Variants in FBXW2 observed in about 807,000 individuals in gnomAD.
FBXW2 encodes F-box and WD repeat domain containing 2.
FBXW2 carries 12 observed loss-of-function variants against 46.0 expected under a neutral mutation model. The observed-to-expected ratio is 0.26, with a 90% CI of 0.17 to 0.42. The LOEUF is 0.42. FBXW2 is among the 10% of genes least tolerant of loss of function. The pLI, the probability that FBXW2 is intolerant of heterozygous loss-of-function variation, is 1.00. For missense variants in FBXW2, 360 were observed against 537.0 expected, an observed-to-expected ratio of 0.67 and a Z score of 3.26; for synonymous variants, 203 against 209.6, an observed-to-expected ratio of 0.97 and a Z score of 0.27.
At chr9:120,781,756 C>T (rs1158598859) in intron 3 of FBXW2, among the ~76,000 whole-genome samples, 1 of 152,012 alleles carries the variant, frequency 6.6e-6, no homozygotes, top group Non-Finnish European at 1.5e-5. Flanking sequence ...GGTGTGGTGG[C>T]TCACACCTGT....
chr9:120,768,844 A>C (rs1295052662), intron 7 of FBXW2, among the ~76,000 whole-genome samples: 2 of 150,870 alleles, frequency 1.3e-5, no homozygotes, highest in Non-Finnish European at 3.0e-5. Flanking sequence ...AATAAAAACG[A>C]AAAAAAAAGA....
chr9:120,772,181 G>A (rs948676802), intron 6 of FBXW2, among the ~76,000 whole-genome samples: 1 of 151,698 alleles, frequency 6.6e-6, no homozygotes, highest in African/African-American at 2.4e-5. Flanking sequence ...AATTAAGGAC[G>A]GTAGGAGATA....
At chr9:120,792,944 C>G in intron 2 of FBXW2, 2 of 1,533,152 alleles carry the variant, frequency 1.3e-6, no homozygotes, top group Non-Finnish European at 1.7e-6. Context: ...ACTTCATAAA[C>G]CACCTCATCA....
chr9:120,765,744 C>T, intron 7 of FBXW2, among the ~76,000 whole-genome samples: 1 of 151,908 alleles, frequency 6.6e-6, no homozygotes, highest in Middle Eastern at 3.2e-3. Flanking sequence ...TTAAAGTTTC[C>T]CAAATAACTT....
chr9:120,785,918 G>A (rs752164060), intron 3 of FBXW2, among the ~76,000 whole-genome samples: 4 of 150,578 alleles, frequency 2.7e-5, no homozygotes, highest in African/African-American at 4.9e-5. Context: ...AGCTACTCGG[G>A]AGGCTGAGGC....
chr9:120,764,268 T>C lies in FBXW2; in HGVS notation c.*291A>G, dbSNP rs1047271361. 7.2e-6 allele frequency: 3 copies of C among 417,330 alleles called. No homozygotes were observed. The highest frequency in any genetic ancestry group is 1.3e-5 in the Non-Finnish European group (3 of 236,512). The allele number at this position is 417,330 out of a possible 1,614,324, so 25.9% of individuals were successfully genotyped here. A position where few individuals can be genotyped will look rare whatever the true frequency, so the allele number is the denominator to read the frequency against. ...AACTTTCTTTACTTAAAACCAATAC[T>C]CCACTCAAGAAAGATGAACCCAAAA... On this transcript the variant is annotated 3_prime_UTR_variant, in exon 8 of 8. Transcript: ENST00000608872.
chr9:120,773,185 G>A (rs1329485746), intron 5 of FBXW2, among the ~76,000 whole-genome samples: 1 of 142,764 alleles, frequency 7.0e-6, no homozygotes, highest in Non-Finnish European at 1.5e-5. Flanking sequence ...AGACCACAAC[G>A]CTTAAAAAAA....
At chr9:120,765,399 GAAAGTTTATAAAAGTACA>G (rs1307968793) in intron 7 of FBXW2, among the ~76,000 whole-genome samples, 7 of 152,238 alleles carry the variant, frequency 4.6e-5, no homozygotes, top group African/African-American at 1.4e-4. Flanking sequence ...CCGGCCTGAT[GAAAGTTTATAAAAGTACA>G]AAACATCTAT....
chr9:120,780,751 AGG>A (rs2044593922), intron 3 of FBXW2, among the ~76,000 whole-genome samples: 1 of 152,208 alleles, frequency 6.6e-6, no homozygotes. Flanking sequence ...CTTCTGTGTC[AGG>A]CAGGATTCTT....
Position 120,758,697 on chromosome 9 carries a change from C to A in FBXW2, c.*5862G>T, listed in dbSNP as rs541376206. The A allele has an allele frequency of 5.6e-4, 86 of 152,340 alleles. No homozygotes were observed. The highest frequency in any genetic ancestry group is 2.0e-3 in the African/African-American group (85 of 41,580). The allele number at this position is 152,340 out of a possible 1,614,324, so 9.4% of individuals were successfully genotyped here. A position where few individuals can be genotyped will look rare whatever the true frequency, so the allele number is the denominator to read the frequency against. ...GGCAATGAATCACTTTACCAAGCCA[C>A]AGCTTTCTCATCTGTAAAACAGGAA... On this transcript the variant is annotated 3_prime_UTR_variant, in exon 8 of 8. Coordinates refer to ENST00000608872, the MANE Select transcript of FBXW2 (RefSeq NM_012164.4).
chr9:120,762,334 C>G lies in FBXW2; in HGVS notation c.*2225G>C, dbSNP rs2044208435. ...CAGCCTGCGCAGTAAGAGCGAAACTCTGTCTCAAAAAAAAAAAAATAATAA... is the reference window on the plus strand; with the variant it reads ...CAGCCTGCGCAGTAAGAGCGAAACTGTGTCTCAAAAAAAAAAAAATAATAA... On this transcript the variant is annotated 3_prime_UTR_variant, in exon 8 of 8. Coordinates refer to ENST00000608872, the MANE Select transcript of FBXW2 (RefSeq NM_012164.4). 1 of 145,538 alleles carries G rather than the reference C, an allele frequency of 6.9e-6. No individual in the cohort carries two copies. The allele number at this position is 145,538 out of a possible 1,614,324, so 9.0% of individuals were successfully genotyped here.
At chr9:120,789,512 G>T (rs1019999851) in intron 2 of FBXW2, among the ~76,000 whole-genome samples, 1 of 151,978 alleles carries the variant, frequency 6.6e-6, no homozygotes, top group Non-Finnish European at 1.5e-5. Context: ...GTTAATGCTG[G>T]GTGATGTGTA....
intron 3 of FBXW2, among the ~76,000 whole-genome samples, chr9:120,787,104 C>A (rs1263195891): frequency 3.3e-5 from 5 of 152,236 alleles, no homozygotes; most frequent in Non-Finnish European, 4.4e-5. Flanking sequence ...TCTCAGCTCA[C>A]TGGAACCTCC....
rs2044187373 is a variant in FBXW2 at position 120,760,879 on chromosome 9, T to G, written c.*3680A>C. On this transcript the variant is annotated 3_prime_UTR_variant, in exon 8 of 8. Transcript: ENST00000608872. The stretch of plus-strand genomic sequence containing the variant: ...CTTTTGTTTTACAAATAGAGAGCAG[T>G]AATCATTTTCCTATGAATACTAGAA... 1 of 152,224 alleles carries G rather than the reference T, an allele frequency of 6.6e-6. No homozygotes were observed. The highest frequency in any genetic ancestry group is 2.1e-4 in the South Asian group (1 of 4,836). 9.4% of individuals were successfully genotyped at this position (152,224 alleles called of 1,614,324 possible).
chr9:120,773,203 A>C (rs1427901518), intron 5 of FBXW2, among the ~76,000 whole-genome samples: 2 of 151,140 alleles, frequency 1.3e-5, no homozygotes, highest in Non-Finnish European at 3.0e-5. Context: ...AAAAAAAAAA[A>C]CAGTCTAAAC....
intron 2 of FBXW2, among the ~76,000 whole-genome samples, chr9:120,790,950 A>G (rs987521948): frequency 1.3e-5 from 2 of 152,188 alleles, no homozygotes; most frequent in Non-Finnish European, 2.9e-5. Flanking sequence ...CTCTTAATAA[A>G]AAAAATTTTC....
rs545667363 is a variant in FBXW2, at chr9:120,765,928, C to T, written c.1077-1081G>A. On this transcript the variant is annotated intron_variant, in intron 7 of 7. Transcript: ENST00000608872. ...TAGGAGACACCTAGCTAAACAGCAG[C>T]ACAAAGGAAAACAAAAAACAACTTA... Among the ~76,000 whole-genome samples, 250 of 152,192 alleles carry T rather than the reference C, an allele frequency of 1.6e-3. 1 individual carries two copies. The highest frequency in any genetic ancestry group is 3.0e-3 in the Non-Finnish European group (204 of 68,004).
At chr9:120,791,074 G>A (rs915593649) in intron 2 of FBXW2, among the ~76,000 whole-genome samples, 1 of 152,166 alleles carries the variant, frequency 6.6e-6, no homozygotes, top group African/African-American at 2.4e-5. Context: ...CTCACTAACT[G>A]CAGAATGCAC....
At chr9:120,792,322 G>A (rs2044862387) in intron 2 of FBXW2, 1 of 151,364 alleles carries the variant, frequency 6.6e-6, no homozygotes, top group Admixed American at 6.6e-5. Flanking sequence ...GTGGTAGAGG[G>A]AAGGAGGCTT....
Sources: gnomAD v4.1 joint callset for allele counts (sites outside exome capture counted in the v4.1 genomes callset) on GRCh38, gnomAD v4.1.1 for gene constraint, MANE v1.5 for transcripts, NCBI Gene and HGNC (gene_info 2026-07-23, HGNC 2026-07-21) for gene names.